The following FRMD4B variants were observed in gnomAD, a reference collection of about 807,000 sequenced individuals.
FRMD4B encodes the protein FERM domain-containing protein 4B.
A neutral mutation model predicts 141.5 loss-of-function variants in FRMD4B; 74 were observed. That is an observed-to-expected ratio of 0.52 (90% CI 0.43 to 0.63). FRMD4B has a LOEUF of 0.63. FRMD4B is among the 30% of genes least tolerant of loss of function. The pLI is 0.00. For missense variants in FRMD4B, 1,366 were observed against 1,253.4 expected (o/e 1.09, Z -1.36); for synonymous variants, 506 against 467.9 (o/e 1.08, Z -1.05).
intron 1 of FRMD4B, among the ~76,000 whole-genome samples, chr3:69,437,495 C>T (rs571458974): frequency 6.9e-6 from 1 of 144,526 alleles, no homozygotes; most frequent in South Asian, 2.1e-4. Context: ...TAGTATTATA[C>T]ATAACATACA....
chr3:69,473,435 C>T (rs928924853), intron 1 of FRMD4B, among the ~76,000 whole-genome samples: 2 of 152,142 alleles, frequency 1.3e-5, no homozygotes, highest in Admixed American at 6.6e-5. Flanking sequence ...ATTGGCAATG[C>T]AGCACGTATC....
At chr3:69,341,949 A>G (rs368607397) in intron 1 of FRMD4B, among the ~76,000 whole-genome samples, 96 of 152,298 alleles carry the variant, frequency 6.3e-4, no homozygotes, top group African/African-American at 2.2e-3. Flanking sequence ...GCAGCACAAA[A>G]TGGACTAAGA....
chr3:69,213,913 A>G (rs1374791349), intron 11 of FRMD4B, among the ~76,000 whole-genome samples: 1 of 151,854 alleles, frequency 6.6e-6, no homozygotes, highest in Non-Finnish European at 1.5e-5. Flanking sequence ...CCTGGCCTTA[A>G]GTAGTCCTCC....
In FRMD4B at chr3:69,196,279, T is replaced by G. The variant is rs778066199; in HGVS notation, c.1210A>C (p.Ser404Arg). Residue 404 changes from serine (S) to arginine (R), a missense_variant, in exon 14 of 23, where the codon AGT becomes CGT. Ser to Arg is a moderately radical substitution (Grantham distance 110). Transcript: ENST00000398540. The stretch of plus-strand genomic sequence containing the variant: ...CCTGAGGAGATTAAACTGCCATTAC[T>G]TGCCATGATGAACTGACTTTTCGTC... ...LETKSQFIMA[S>R]NGSLISSGSQ... is the part of the protein sequence containing the mutation. 53 of 1,606,006 alleles carry G rather than the reference T, an allele frequency of 3.3e-5. No homozygotes were observed. The highest frequency in any genetic ancestry group is 4.2e-5 in the Non-Finnish European group (49 of 1,177,314).
Position 69,392,198 on chromosome 3 carries a change from G to A in FRMD4B, c.-1+40436C>T, listed in dbSNP as rs185715291. Among the ~76,000 whole-genome samples, 35 of 152,332 alleles carry A rather than the reference G, an allele frequency of 2.3e-4. 1 individual carries two copies. The highest frequency in any genetic ancestry group is 1.6e-3 in the Admixed American group (24 of 15,302). On this transcript the variant is annotated intron_variant, in intron 2 of 5. Coordinates refer to the FRMD4B transcript ENST00000459638. ...CTCAGAACACTGACAAGACTGAGAC[G>A]ATCTCTGTCTAAGCGAGTCCTAGAG...
intron 3 of FRMD4B, chr3:69,310,485 G>GT (rs1278193458): frequency 4.4e-6 from 2 of 455,998 alleles, no homozygotes; most frequent in East Asian, 1.4e-4. Context: ...CTCTGATAAT[G>GT]TATCGGGCTG....
At chr3:69,376,311 T>C (rs550604100) in intron 1 of FRMD4B, among the ~76,000 whole-genome samples, 1 of 152,274 alleles carries the variant, frequency 6.6e-6, no homozygotes, top group South Asian at 2.1e-4. Flanking sequence ...GCTGGGAGCA[T>C]AGATTTTTCC....
At chr3:69,190,996 C>CT (rs1022469911) in intron 17 of FRMD4B, among the ~76,000 whole-genome samples, 3 of 152,216 alleles carry the variant, frequency 2.0e-5, no homozygotes, top group Non-Finnish European at 2.9e-5. Context: ...TGTAAAGCCC[C>CT]TAGCCCAGCT....
intron 1 of FRMD4B, chr3:69,535,772 C>T (rs1459839661): frequency 1.1e-5 from 5 of 472,818 alleles, no homozygotes; most frequent in Admixed American, 2.3e-5. Context: ...GCAGGCACCA[C>T]CTTGGACCCA....
At chr3:69,395,910 A>G (rs1704466337) in intron 2 of FRMD4B, among the ~76,000 whole-genome samples, 1 of 152,182 alleles carries the variant, frequency 6.6e-6, no homozygotes, top group Admixed American at 6.5e-5. Context: ...AGAGAAAGAA[A>G]AGAGGGGTTT....
intron 1 of FRMD4B, among the ~76,000 whole-genome samples, chr3:69,464,798 G>A (rs1575811701): frequency 1.3e-5 from 2 of 152,062 alleles, no homozygotes; most frequent in Admixed American, 6.6e-5. Context: ...CAACTATCTC[G>A]ATCCAACTAC....
chr3:69,188,558 C>G (rs1199288266), intron 18 of FRMD4B, among the ~76,000 whole-genome samples: 1 of 150,908 alleles, frequency 6.6e-6, no homozygotes, highest in African/African-American at 2.4e-5. Context: ...GAGATCGAGA[C>G]CATCCTGGCT....
intron 7 of FRMD4B, among the ~76,000 whole-genome samples, chr3:69,244,435 G>C (rs568892545): frequency 6.6e-6 from 1 of 152,178 alleles, no homozygotes. Flanking sequence ...ACTTTGCCTA[G>C]GAAGGTATTT....
At chr3:69,455,372 G>C (rs576196705) in intron 1 of FRMD4B, among the ~76,000 whole-genome samples, 1 of 152,174 alleles carries the variant, frequency 6.6e-6, no homozygotes, top group Non-Finnish European at 1.5e-5. Flanking sequence ...CTGCCTTTAT[G>C]AGCTGTAACA....
At chr3:69,267,630 T>G (rs2093572353) in intron 5 of FRMD4B, among the ~76,000 whole-genome samples, 4 of 10,916 alleles carry the variant, frequency 3.7e-4, no homozygotes, top group African/African-American at 1.3e-3. Flanking sequence ...TATATATATA[T>G]ATATATAGAG....
chr3:69,202,009 G>T (rs940471751), intron 11 of FRMD4B, among the ~76,000 whole-genome samples: 1 of 152,124 alleles, frequency 6.6e-6, no homozygotes, highest in Non-Finnish European at 1.5e-5. Flanking sequence ...TTCGGGACCA[G>T]CCTGAACAAC....
chr3:69,516,175 T>C (rs899725165), intron 1 of FRMD4B, among the ~76,000 whole-genome samples: 1 of 152,066 alleles, frequency 6.6e-6, no homozygotes, highest in Non-Finnish European at 1.5e-5. Context: ...TGGTGAGCAA[T>C]GATGGCATTA....
At chr3:69,233,547 C>T (rs1277209717) in intron 7 of FRMD4B, among the ~76,000 whole-genome samples, 2 of 150,716 alleles carry the variant, frequency 1.3e-5, no homozygotes, top group African/African-American at 2.4e-5. Flanking sequence ...ATAATTGTAA[C>T]TCAAAATCCT....
At chr3:69,197,083 G>C in intron 12 of FRMD4B, 45 bp from the exon 13 acceptor site, 1 of 1,547,936 alleles carries the variant, frequency 6.5e-7, no homozygotes, top group Non-Finnish European at 8.9e-7. Context: ...CTCTGGCCCA[G>C]CATGATGCAA....
Sources: allele counts gnomAD v4.1 joint callset (sites outside exome capture counted in the v4.1 genomes callset), GRCh38; gene constraint gnomAD v4.1.1; transcripts MANE v1.5; gene names NCBI Gene and HGNC (gene_info 2026-07-23, HGNC 2026-07-21).